HCN1: variants seen among roughly 807,000 people sequenced by gnomAD.
The protein encoded by HCN1 is potassium/sodium hyperpolarization-activated cyclic nucleotide-gated channel 1.
HCN1 carries 13 observed loss-of-function variants against 78.9 expected under a neutral mutation model. The ratio of observed to expected loss-of-function variants is 0.16; its 90% CI spans 0.11 to 0.26. The LOEUF is 0.26. Among genes scored for constraint, HCN1 ranks in the 10% least tolerant of loss-of-function variants. HCN1 has a pLI of 1.00. For synonymous variants in HCN1, 552 were observed against 455.5 expected, an observed-to-expected ratio of 1.21 and a Z score of -2.70; for missense variants, 810 against 1,154.3, an observed-to-expected ratio of 0.70 and a Z score of 4.32.
chr5:45,489,813 T>C (rs1041111748), intron 2 of HCN1, among the ~76,000 whole-genome samples: 5 of 152,196 alleles, frequency 3.3e-5, no homozygotes, highest in Non-Finnish European at 7.3e-5. Flanking sequence ...TAGTAGGCAA[T>C]GTGATATAGG....
intron 2 of HCN1, among the ~76,000 whole-genome samples, chr5:45,593,210 GCGCACACA>G (rs1247554121): frequency 1.2e-5 from 1 of 85,982 alleles, no homozygotes; most frequent in Non-Finnish European, 2.9e-5. Context: ...ATGCACGCAC[GCGCACACA>G]CACACACACA....
At chr5:45,433,376 C>T (rs902273483) in intron 3 of HCN1, among the ~76,000 whole-genome samples, 20 of 151,804 alleles carry the variant, frequency 1.3e-4, no homozygotes, top group African/African-American at 3.9e-4. Context: ...TCTGTTTCAT[C>T]GGAAATTATA....
intron 4 of HCN1, among the ~76,000 whole-genome samples, chr5:45,374,563 C>A (rs201610190): frequency 6.7e-6 from 1 of 149,914 alleles, no homozygotes; most frequent in South Asian, 2.1e-4. Flanking sequence ...TGAACTCTAC[C>A]ACATTTATAA....
intron 3 of HCN1, among the ~76,000 whole-genome samples, chr5:45,445,947 G>GCGGGAAAAAACAGAA (rs1740785266): frequency 6.6e-6 from 1 of 152,176 alleles, no homozygotes; most frequent in South Asian, 2.1e-4. Context: ...AAAAAACAGA[G>GCGGGAAAAAACAGAA]CAGAAAAACT....
At chr5:45,362,172 G>T (rs931656147) in intron 4 of HCN1, among the ~76,000 whole-genome samples, 2 of 151,116 alleles carry the variant, frequency 1.3e-5, no homozygotes, top group South Asian at 4.2e-4. Context: ...GTGTGTGTGT[G>T]TGTGTGTGTG....
chr5:45,461,139 G>T lies in HCN1; in HGVS notation c.1011+707C>A, dbSNP rs1741146859. Among the ~76,000 whole-genome samples, 3 of 151,882 alleles carry T rather than the reference G, an allele frequency of 2.0e-5. No homozygotes were observed. In the South Asian group the frequency reaches 6.2e-4, roughly 31 times the overall value. On this transcript the variant is annotated intron_variant, in intron 3 of 7. Transcript: ENST00000303230. Reference sequence around the variant, plus strand: ...TGTGTATATATAAAATATATATAGAGAGATTTATAGATATATCAACCAAAA... The same window carrying T: ...TGTGTATATATAAAATATATATAGATAGATTTATAGATATATCAACCAAAA...
At chr5:45,286,523 TA>T (rs1745273129) in intron 6 of HCN1, among the ~76,000 whole-genome samples, 1 of 152,044 alleles carries the variant, frequency 6.6e-6, no homozygotes, top group Non-Finnish European at 1.5e-5. Flanking sequence ...ATTAAGATTT[TA>T]AAGGCTATTT....
chr5:45,322,099 T>C (rs1446118458), intron 5 of HCN1, among the ~76,000 whole-genome samples: 1 of 151,908 alleles, frequency 6.6e-6, no homozygotes. Flanking sequence ...TTATTTCCTC[T>C]AATAATTCCG....
At chr5:45,372,161 T>TATATAA in intron 4 of HCN1, among the ~76,000 whole-genome samples, 6 of 58,690 alleles carry the variant, frequency 1.0e-4, no homozygotes, top group African/African-American at 6.1e-4. Context: ...TAATATGTTA[T>TATATAA]TATATATAAT....
intron 2 of HCN1, among the ~76,000 whole-genome samples, chr5:45,640,472 C>T (rs904895174): frequency 4.6e-5 from 7 of 151,720 alleles, no homozygotes; most frequent in African/African-American, 1.7e-4. Context: ...TTATCATGAA[C>T]AAATGCATGT....
intron 2 of HCN1, among the ~76,000 whole-genome samples, chr5:45,524,918 G>A (rs867380856): frequency 6.6e-6 from 1 of 152,122 alleles, no homozygotes; most frequent in Non-Finnish European, 1.5e-5. Context: ...GTGAGAGAGG[G>A]CATCTCTGTC....
chr5:45,346,452 T>C (rs1746711144), intron 5 of HCN1, among the ~76,000 whole-genome samples: 1 of 152,122 alleles, frequency 6.6e-6, no homozygotes, highest in Non-Finnish European at 1.5e-5. Context: ...AGATGGGTGA[T>C]TTCTGCATTT....
intron 2 of HCN1, among the ~76,000 whole-genome samples, chr5:45,484,750 T>C (rs1741724138): frequency 6.6e-6 from 1 of 152,186 alleles, no homozygotes; most frequent in African/African-American, 2.4e-5. Flanking sequence ...CTAATCCTAA[T>C]TGACACAGTG....
chr5:45,461,080 A>T (rs1016460945), intron 3 of HCN1, among the ~76,000 whole-genome samples: 1 of 152,030 alleles, frequency 6.6e-6, no homozygotes, highest in African/African-American at 2.4e-5. Flanking sequence ...ATGGGAACTT[A>T]TACAAAAAGA....
At chr5:45,290,588 T>C (rs1295458996) in intron 6 of HCN1, among the ~76,000 whole-genome samples, 1 of 152,080 alleles carries the variant, frequency 6.6e-6, no homozygotes, top group South Asian at 2.1e-4. Context: ...ACACCATTTA[T>C]TAGAAGAAAA....
At chr5:45,631,343 G>A (rs549418310) in intron 2 of HCN1, among the ~76,000 whole-genome samples, 1 of 152,174 alleles carries the variant, frequency 6.6e-6, no homozygotes, top group South Asian at 2.1e-4. Flanking sequence ...TATCACTTCT[G>A]AGTCTGATTG....
At chr5:45,593,763 C>T (rs943551753) in intron 2 of HCN1, among the ~76,000 whole-genome samples, 1 of 151,960 alleles carries the variant, frequency 6.6e-6, no homozygotes, top group African/African-American at 2.4e-5. Flanking sequence ...CAACTTCCAC[C>T]TCCCCGGTTC....
chr5:45,569,595 T>C (rs1253396688), intron 2 of HCN1, among the ~76,000 whole-genome samples: 1 of 152,054 alleles, frequency 6.6e-6, no homozygotes. Context: ...TTATTAATAT[T>C]ACAAAAGAAA....
chr5:45,471,739 A>G (rs181102020), intron 2 of HCN1, among the ~76,000 whole-genome samples: 55 of 152,052 alleles, frequency 3.6e-4, no homozygotes, highest in African/African-American at 1.3e-3. Context: ...AAATCCATTA[A>G]CTGCATGTTT....
Sources: gnomAD v4.1 joint callset for allele counts (sites outside exome capture counted in the v4.1 genomes callset) on GRCh38, gnomAD v4.1.1 for gene constraint, MANE v1.5 for transcripts, NCBI Gene and HGNC (gene_info 2026-07-23, HGNC 2026-07-21) for gene names.